The following EFL1 variants were observed in gnomAD, a reference collection of about 807,000 sequenced individuals.
The protein encoded by EFL1 is elongation factor-like GTPase 1.
EFL1 carries 76 observed loss-of-function variants against 126.7 expected under a neutral mutation model. The ratio of observed to expected loss-of-function variants is 0.60; its 90% CI spans 0.50 to 0.73. The LOEUF (loss-of-function observed/expected upper bound fraction) is 0.73. Ranked by LOEUF, EFL1 falls within the 30% of genes least tolerant of loss-of-function variation. The pLI is 0.00. For missense variants in EFL1, 1,128 were observed against 1,343.2 expected (o/e 0.84, Z 2.50); for synonymous variants, 410 against 448.4 (o/e 0.91, Z 1.08).
chr15:82,140,794 A>G (rs998705792), intron 18 of EFL1, among the ~76,000 whole-genome samples: 8 of 152,200 alleles, frequency 5.3e-5, no homozygotes, highest in African/African-American at 1.9e-4. Flanking sequence ...CAGAAACCTC[A>G]TAGTTACAGA....
At chr15:82,237,074 C>T (rs1477103848) in intron 7 of EFL1, among the ~76,000 whole-genome samples, 14 of 152,058 alleles carry the variant, frequency 9.2e-5, no homozygotes, top group Admixed American at 2.0e-4. Context: ...ACCTGGGAGG[C>T]GGAGGTTGCA....
At chr15:82,184,872 G>A (rs1226213743) in intron 15 of EFL1, among the ~76,000 whole-genome samples, 1 of 152,132 alleles carries the variant, frequency 6.6e-6, no homozygotes, top group East Asian at 1.9e-4. Flanking sequence ...TAAAAACAAA[G>A]AAATGTAGAG....
At chr15:82,144,567 TTGTCACCTTAAGTTA>T (rs1359582035) in intron 18 of EFL1, among the ~76,000 whole-genome samples, 1 of 152,232 alleles carries the variant, frequency 6.6e-6, no homozygotes, top group Non-Finnish European at 1.5e-5. Context: ...TAATTAAGCT[TTGTCACCTTAAGTTA>T]TGTCTCAAAG....
chr15:82,219,768 C>A lies in EFL1; in HGVS notation c.1495G>T (p.Glu499Ter), dbSNP rs373183367. ...SMTPKPVLQE[E>*]NNQESFIAFA... ...GCAATAAAAGACTCTTGGTTGTTTT[C>A]TTCCTGGAGCACAGGTTTAGGGGTC... The change falls in exon 14 of 20, where the codon GAA becomes TAA. Residue 499 changes from glutamate (E) to a stop codon, truncating the protein, a stop_gained. Transcript: ENST00000268206. LOFTEE classifies it high-confidence loss of function. 51 of 1,613,948 alleles carry A rather than the reference C, an allele frequency of 3.2e-5. No homozygotes were observed. Among genetic ancestry groups the A allele is most frequent in the Non-Finnish European group, 5.9e-6 (7 of 1,179,972 alleles).
intron 19 of EFL1, among the ~76,000 whole-genome samples, chr15:82,133,059 G>T (rs979171443): frequency 5.9e-5 from 9 of 152,178 alleles, no homozygotes; most frequent in Non-Finnish European, 1.0e-4. Context: ...CAGGGTGAGG[G>T]TAGGTGTAGC....
chr15:82,147,652 A>C (rs1028703668), intron 18 of EFL1, among the ~76,000 whole-genome samples: 6 of 150,636 alleles, frequency 4.0e-5, no homozygotes, highest in Non-Finnish European at 4.4e-5. Flanking sequence ...AAAAGGAAAG[A>C]TATCGTTTCA....
Position 82,152,044 on chromosome 15 carries a change from T to C in EFL1, c.2410A>G (p.Lys804Glu), listed in dbSNP as rs1165044737. 9 of 1,614,090 alleles carry C rather than the reference T, an allele frequency of 5.6e-6. No individual in the cohort carries two copies. The highest frequency in any genetic ancestry group is 6.8e-6 in the Non-Finnish European group (8 of 1,180,050). ...QKTQEKIWEFKGKLEQHLTGR... is the reference protein window; with the variant it reads ...QKTQEKIWEFEGKLEQHLTGR... ...GTTAGGTGTTGCTCCAGTTTTCCTT[T>C]GAATTCCCAAATTTTCTCTTGGGTC... is the stretch of plus-strand genomic sequence containing the variant. The change falls in exon 18 of 20, where the codon AAA becomes GAA. Residue 804 changes from lysine to glutamate, a missense_variant. Transcript: ENST00000268206.
rs537360867 is a variant in EFL1, at chr15:82,261,128, T to C, written c.91+560A>G. On this transcript the variant is annotated intron_variant, in intron 2 of 19. Coordinates refer to ENST00000268206, the MANE Select transcript of EFL1 (RefSeq NM_024580.6). ...CATCTTGAGCCCCCTTCAAGTGTCATCTCTAATACTAATTATGTTGTGAGG... is the reference window on the plus strand; with the variant it reads ...CATCTTGAGCCCCCTTCAAGTGTCACCTCTAATACTAATTATGTTGTGAGG... Among the ~76,000 whole-genome samples the C allele has an allele frequency of 2.0e-5, 3 of 152,330 alleles. No homozygotes were observed. In the South Asian group the frequency reaches 6.2e-4, roughly 32 times the overall value.
intron 18 of EFL1, among the ~76,000 whole-genome samples, chr15:82,148,279 G>A (rs2073870010): frequency 6.6e-6 from 1 of 151,584 alleles, no homozygotes; most frequent in Admixed American, 6.6e-5. Context: ...TCGGAAGGCT[G>A]AGGTGGGAGA....
chr15:82,210,358 GGT>G (rs2074570808), intron 15 of EFL1, among the ~76,000 whole-genome samples: 1 of 152,140 alleles, frequency 6.6e-6, no homozygotes, highest in African/African-American at 2.4e-5. Flanking sequence ...GGTCATAAAA[GGT>G]GATATACCTT....
At chr15:82,162,415 G>A (rs961535297) in intron 16 of EFL1, among the ~76,000 whole-genome samples, 1 of 152,170 alleles carries the variant, frequency 6.6e-6, no homozygotes, top group African/African-American at 2.4e-5. Context: ...AATAAGCTAT[G>A]GTTGCCAGAC....
intron 15 of EFL1, among the ~76,000 whole-genome samples, chr15:82,168,495 T>C (rs910037885): frequency 1.3e-5 from 2 of 152,194 alleles, no homozygotes; most frequent in Non-Finnish European, 2.9e-5. Context: ...AGGAACAGAC[T>C]GAGCTAATAA....
At chr15:82,253,574 C>T (rs75768340) in intron 3 of EFL1, among the ~76,000 whole-genome samples, 21,289 of 152,050 alleles carry the variant, frequency 0.14, 1,699 homozygotes, top group South Asian at 0.38. Flanking sequence ...ACATCAATAA[C>T]ATAGCCATTC....
At chr15:82,224,282 C>A (rs199615217) in intron 12 of EFL1, among the ~76,000 whole-genome samples, 1 of 152,280 alleles carries the variant, frequency 6.6e-6, no homozygotes, top group East Asian at 1.9e-4. Flanking sequence ...TTTAAATGCA[C>A]AAACATTTTT....
At chr15:82,179,160 T>TA (rs1377224164) in intron 15 of EFL1, among the ~76,000 whole-genome samples, 2 of 151,112 alleles carry the variant, frequency 1.3e-5, no homozygotes, top group Admixed American at 6.6e-5. Flanking sequence ...ATTAAATAAA[T>TA]AAAAAAAAGA....
rs1567064834 is a variant in EFL1 at position 82,211,592 on chromosome 15, C to CACACACACACACACACACACACACACACA, written c.1750+3124_1750+3125insTGTGTGTGTGTGTGTGTGTGTGTGTGTGT. On this transcript the variant is annotated intron_variant, in intron 15 of 19. Transcript: ENST00000268206. ...CACACACACACACACTAGACACATA[C>CACACACACACACACACACACACACACACA]TAGACACACACACACACACACACAC... Among the ~76,000 whole-genome samples, 4 of 60,130 alleles carry CACACACACACACACACACACACACACACA rather than the reference C, an allele frequency of 6.7e-5. No homozygotes were observed. In the East Asian group the frequency reaches 9.2e-4, roughly 14 times the overall value. The allele number at this position is 60,130 out of a possible 152,430, so 39.4% of individuals were successfully genotyped here. A position where few individuals can be genotyped will look rare whatever the true frequency, so the allele number is the denominator to read the frequency against.
At chr15:82,227,702 C>T (rs1009147985) in intron 10 of EFL1, 130 bp from the exon 11 acceptor site, 8 of 1,240,802 alleles carry the variant, frequency 6.4e-6, no homozygotes, top group African/African-American at 4.5e-5. Flanking sequence ...TACAAGGCAA[C>T]ACTGCTTTAT....
chr15:82,188,648 C>A (rs1305371107), intron 15 of EFL1, among the ~76,000 whole-genome samples: 2 of 152,232 alleles, frequency 1.3e-5, no homozygotes, highest in South Asian at 4.1e-4. Flanking sequence ...AAAGATTCTA[C>A]ATTCAGATTT....
At chr15:82,201,303 C>T (rs1013217017) in intron 15 of EFL1, among the ~76,000 whole-genome samples, 2 of 152,184 alleles carry the variant, frequency 1.3e-5, no homozygotes, top group Non-Finnish European at 2.9e-5. Context: ...TTAGTCCTCT[C>T]TAAATCAGCA....
Sources: allele counts gnomAD v4.1 joint callset (sites outside exome capture counted in the v4.1 genomes callset), GRCh38; gene constraint gnomAD v4.1.1; transcripts MANE v1.5; gene names NCBI Gene and HGNC (gene_info 2026-07-23, HGNC 2026-07-21).